IGF1: variants seen among roughly 807,000 people sequenced by gnomAD.
IGF1 encodes the protein insulin-like growth factor 1.
IGF1 carries 4 observed loss-of-function variants against 13.8 expected under a neutral mutation model. The ratio of observed to expected loss-of-function variants is 0.29; its 90% CI spans 0.14 to 0.66. The LOEUF (loss-of-function observed/expected upper bound fraction) is 0.66. Among genes scored for constraint, IGF1 ranks in the 30% least tolerant of loss-of-function variants. The pLI is 0.78. For missense variants in IGF1, 124 were observed against 188.5 expected (o/e 0.66, Z 2.00); for synonymous variants, 76 against 72.6 (o/e 1.05, Z -0.23).
At chr12:102,419,451 C>T in intron 3 of IGF1, 58 bp downstream of exon 3, 1 of 1,548,786 alleles carries the variant, frequency 6.5e-7, no homozygotes, top group Non-Finnish European at 8.8e-7. Context: ...TTGGCCCACC[C>T]ACATGCACAA....
chr12:102,459,515 A>G (rs1879730058), intron 2 of IGF1, among the ~76,000 whole-genome samples: 1 of 151,722 alleles, frequency 6.6e-6, no homozygotes, highest in African/African-American at 2.4e-5. Flanking sequence ...ATCTCGGTGC[A>G]AAACAAACTG....
intron 2 of IGF1, among the ~76,000 whole-genome samples, chr12:102,424,383 A>G (rs1031872043): frequency 6.6e-6 from 1 of 152,174 alleles, no homozygotes; most frequent in Non-Finnish European, 1.5e-5. Flanking sequence ...CCTGCATTTC[A>G]CTTAGATTAA....
chr12:102,466,519 A>G (rs1880334655), intron 2 of IGF1, among the ~76,000 whole-genome samples: 2 of 152,130 alleles, frequency 1.3e-5, no homozygotes, highest in Admixed American at 1.3e-4. Context: ...AAATAGTCTG[A>G]CCCAAAATGT....
chr12:102,478,391 C>G, intron 1 of IGF1: 2 of 722,426 alleles, frequency 2.8e-6, no homozygotes, highest in Non-Finnish European at 4.0e-6. Context: ...TTTTTTTAAT[C>G]TTAGATAAAT....
chr12:102,421,374 A>C (rs1328660976), intron 2 of IGF1, among the ~76,000 whole-genome samples: 1 of 152,046 alleles, frequency 6.6e-6, no homozygotes, highest in Non-Finnish European at 1.5e-5. Context: ...TTGTTTTTAT[A>C]ATCTTTTCCT....
In IGF1 at chr12:102,414,483, A is replaced by G. The variant is rs767992552; in HGVS notation, c.402+5026T>C. Among the ~76,000 whole-genome samples the G allele has an allele frequency of 2.6e-5, 4 of 152,218 alleles. No homozygotes were observed. In the South Asian group the frequency reaches 6.2e-4, roughly 24 times the overall value. On this transcript the variant is annotated intron_variant, in intron 3 of 3. Coordinates refer to ENST00000337514, the MANE Select transcript of IGF1 (RefSeq NM_000618.5). ...GTCACCCAAGCTGGGATGCAGCGGC[A>G]GGATCTCGGCTCGCTGCAACCTCTG...
chr12:102,431,648 T>C (rs1876747900), intron 2 of IGF1, among the ~76,000 whole-genome samples: 1 of 152,156 alleles, frequency 6.6e-6, no homozygotes. Context: ...AGTGAGAGAA[T>C]TCCCTGGTGA....
At chr12:102,403,673 A>G (rs912258253) in intron 3 of IGF1, among the ~76,000 whole-genome samples, 2 of 90,392 alleles carry the variant, frequency 2.2e-5, no homozygotes, top group Admixed American at 1.7e-4. Flanking sequence ...GTTTTGCTAT[A>G]TTGCCCAGGC....
At chr12:102,440,596 A>G (rs570770953) in intron 2 of IGF1, among the ~76,000 whole-genome samples, 1 of 152,232 alleles carries the variant, frequency 6.6e-6, no homozygotes, top group South Asian at 2.1e-4. Flanking sequence ...CTGCAGTTAG[A>G]AGGAACATTT....
chr12:102,463,976 A>G (rs1464706120), intron 2 of IGF1, among the ~76,000 whole-genome samples: 2 of 152,152 alleles, frequency 1.3e-5, no homozygotes, highest in African/African-American at 4.8e-5. Context: ...CTAGCTCTCT[A>G]ATTTTTCAAT....
At chr12:102,432,175 C>T (rs1209216401) in intron 2 of IGF1, among the ~76,000 whole-genome samples, 2 of 152,138 alleles carry the variant, frequency 1.3e-5, no homozygotes, top group South Asian at 2.1e-4. Flanking sequence ...TTTTTTCCCA[C>T]TTAACATGAC....
intron 3 of IGF1, among the ~76,000 whole-genome samples, chr12:102,411,322 C>T (rs934931361): frequency 6.6e-6 from 1 of 152,190 alleles, no homozygotes; most frequent in African/African-American, 2.4e-5. Flanking sequence ...CTTACTCAAC[C>T]GTCAACCTGC....
At chr12:102,418,077 G>A (rs2136994393) in intron 3 of IGF1, 1 of 1,494,196 alleles carries the variant, frequency 6.7e-7, no homozygotes, top group East Asian at 2.3e-5. Flanking sequence ...AGCTCAGAAT[G>A]CCCAGGCTCC....
At chr12:102,434,238 C>T (rs1192646267) in intron 2 of IGF1, among the ~76,000 whole-genome samples, 6 of 146,894 alleles carry the variant, frequency 4.1e-5, no homozygotes, top group African/African-American at 7.5e-5. Context: ...CATGCTGGTG[C>T]GCTGCACCCA....
chr12:102,465,487 T>C (rs1880233012), intron 2 of IGF1, among the ~76,000 whole-genome samples: 2 of 152,234 alleles, frequency 1.3e-5, no homozygotes, highest in Non-Finnish European at 2.9e-5. Flanking sequence ...TGACTGTTTC[T>C]GAGCAATTGA....
At position 102,399,576 on chromosome 12, in the gene IGF1, A is replaced by G. The variant is rs968243015; in HGVS notation, c.*2931T>C. The G allele has an allele frequency of 3.3e-5, 5 of 152,192 alleles. No individual in the cohort carries two copies. Among genetic ancestry groups the G allele is most frequent in the Non-Finnish European group, 7.4e-5 (5 of 68,018 alleles). 9.4% of individuals were successfully genotyped at this position (152,192 alleles called of 1,614,324 possible). The stretch of plus-strand genomic sequence containing the variant: ...TTGTTTTCTAGTTTTAATTCATTAA[A>G]AAATAAAATAGTGAATTGGTATAAT... On this transcript the variant is annotated 3_prime_UTR_variant, in exon 4 of 4. Coordinates refer to ENST00000337514, the MANE Select transcript of IGF1 (RefSeq NM_000618.5).
rs544043542 is a variant in IGF1, at chr12:102,440,256, T to G, written c.221-20566A>C. 8.5e-5 allele frequency among the ~76,000 whole-genome samples: 13 copies of G among 152,334 alleles called. No individual in the cohort carries two copies. The East Asian group carries it at 2.5e-3, about 29-fold the overall frequency. On this transcript the variant is annotated intron_variant, in intron 2 of 3. Coordinates refer to ENST00000337514, the MANE Select transcript of IGF1 (RefSeq NM_000618.5). ...GGTTGTGTTGCCTCAGCTGCTTCCC[T>G]TCTCCAGCCCCCACAGAGAGAGGAC...
chr12:102,451,311 T>C (rs1289473983), intron 2 of IGF1, among the ~76,000 whole-genome samples: 1 of 152,248 alleles, frequency 6.6e-6, no homozygotes, highest in African/African-American at 2.4e-5. Flanking sequence ...AATTTCAGTA[T>C]ATCTCAAACA....
At chr12:102,423,484 G>C (rs997696388) in intron 2 of IGF1, among the ~76,000 whole-genome samples, 2 of 152,068 alleles carry the variant, frequency 1.3e-5, no homozygotes, top group African/African-American at 4.8e-5. Context: ...TTGCTTCAAA[G>C]GTTTCATAGC....
Sources: gnomAD v4.1 joint callset for allele counts (sites outside exome capture counted in the v4.1 genomes callset) on GRCh38, gnomAD v4.1.1 for gene constraint, MANE v1.5 for transcripts, NCBI Gene and HGNC (gene_info 2026-07-23, HGNC 2026-07-21) for gene names.